The following TIGD4 variants were observed in gnomAD, a reference collection of about 807,000 sequenced individuals.
TIGD4 encodes tigger transposable element derived 4.
Under a neutral mutation model 24.9 loss-of-function variants are expected in TIGD4, and 20 were observed. That is an observed-to-expected ratio of 0.80 (90% CI 0.56 to 1.17). TIGD4 has a LOEUF of 1.17. Among genes scored for constraint, TIGD4 ranks in the 50% most tolerant of loss-of-function variants. The probability of loss-of-function intolerance (pLI) is 0.00; values close to 1 mark genes in which losing one functional copy is unlikely to be tolerated. For synonymous variants in TIGD4, 193 were observed against 211.0 expected (o/e 0.91, Z 0.74); for missense variants, 566 against 591.0 (o/e 0.96, Z 0.44).
At chr4:152,776,776 T>C (rs370927899) in intron 1 of TIGD4, among the ~76,000 whole-genome samples, 5 of 152,290 alleles carry the variant, frequency 3.3e-5, no homozygotes, top group African/African-American at 1.2e-4. Flanking sequence ...AAGTTCAGTT[T>C]CCCAAAAACC....
rs755093865 is a variant in TIGD4 at position 152,770,745 on chromosome 4, A to T, written c.260T>A (p.Leu87Gln). ...KRLRTAFYTD[L>Q]EEALMRWYRI... ...ATACCATCTCATTAATGCCTCTTCCAGATCTGTGTAAAAAGCAGTTCTCAG... is the reference window on the plus strand; with the variant it reads ...ATACCATCTCATTAATGCCTCTTCCTGATCTGTGTAAAAAGCAGTTCTCAG... Residue 87 changes from leucine (L) to glutamine (Q), a missense_variant, in exon 2 of 2, where the codon CTG becomes CAG. Coordinates refer to ENST00000304337, the MANE Select transcript of TIGD4 (RefSeq NM_145720.4). The T allele has an allele frequency of 1.2e-6, 2 of 1,613,558 alleles. No individual in the cohort carries two copies. The highest frequency in any genetic ancestry group is 3.3e-5 in the Admixed American group (2 of 59,922).
At chr4:152,772,669 A>T (rs1264601923) in intron 1 of TIGD4, among the ~76,000 whole-genome samples, 1 of 152,066 alleles carries the variant, frequency 6.6e-6, no homozygotes, top group Non-Finnish European at 1.5e-5. Context: ...TGCAAACAGA[A>T]GCAAGAATCC....
Position 152,770,593 on chromosome 4 carries a change from A to G in TIGD4, c.412T>C (p.Ser138Pro), listed in dbSNP as rs150915308. 15 of 1,608,008 alleles carry G rather than the reference A, an allele frequency of 9.3e-6. No individual in the cohort carries two copies. The African/African-American group carries it at 1.7e-4, about 19-fold the overall frequency. Reference sequence around the variant, plus strand: ...GCTCTGAATACTAAACCATACCTGGATTTAAAACGATCCAGCCAACCATTA... The same window carrying G: ...GCTCTGAATACTAAACCATACCTGGGTTTAAAACGATCCAGCCAACCATTA... ...CSNGWLDRFK[S>P]RYGLVFRAQP... Residue 138 changes from serine to proline, a missense_variant, in exon 2 of 2, where the codon TCC becomes CCC. By Grantham distance (74) the Ser-to-Pro change is moderately conservative. Transcript: ENST00000304337.
At position 152,770,888 on chromosome 4, in the gene TIGD4, T is replaced by A; in HGVS notation, c.117A>T (p.Lys39Asn). ...IINAVESGKK[K>N]AEIAAEYGIK... ...TTCCATATTCAGCAGCAATCTCTGCTTTTTTCTTGCCACTTTCCACTGCAT... is the reference window on the plus strand; with the variant it reads ...TTCCATATTCAGCAGCAATCTCTGCATTTTTCTTGCCACTTTCCACTGCAT... Residue 39 changes from lysine to asparagine, a missense_variant, in exon 2 of 2, where the codon AAA (lysine) becomes AAT (asparagine). Lys to Asn is a moderately conservative substitution (Grantham distance 94). Transcript: ENST00000304337. 1.2e-6 allele frequency: 2 copies of A among 1,614,006 alleles called. No individual in the cohort carries two copies. Among genetic ancestry groups the A allele is most frequent in the Non-Finnish European group, 1.7e-6 (2 of 1,179,948 alleles).
At chr4:152,774,161 A>C (rs189215141) in intron 1 of TIGD4, among the ~76,000 whole-genome samples, 1 of 152,284 alleles carries the variant, frequency 6.6e-6, no homozygotes, top group East Asian at 1.9e-4. Flanking sequence ...TTATAGAAAA[A>C]GTAACTTGAA....
chr4:152,769,916 C>T lies in TIGD4; in HGVS notation c.1089G>A (p.Trp363Ter). Residue 363 changes from tryptophan to a stop codon, truncating the protein, a stop_gained, in exon 2 of 2, where the codon TGG (tryptophan) becomes TGA (stop). Transcript: ENST00000304337. LOFTEE classifies it low-confidence loss of function (END_TRUNC). ...LDAVDTLHLC[W>*]RAVTPETIVK... ...CAATAGTCTCTGGGGTTACAGCCCTCCAGCAAAGATGCAATGTATCAACTG... is the reference window on the plus strand; with the variant it reads ...CAATAGTCTCTGGGGTTACAGCCCTTCAGCAAAGATGCAATGTATCAACTG... 1 of 1,613,622 alleles carries T rather than the reference C, an allele frequency of 6.2e-7. No homozygotes were observed. The highest frequency in any genetic ancestry group is 8.5e-7 in the Non-Finnish European group (1 of 1,179,620).
Position 152,771,103 on chromosome 4 carries a change from T to C in TIGD4, c.-99A>G. On this transcript the variant is annotated 5_prime_UTR_variant, in exon 2 of 2. The change creates a new upstream start codon in the 5' untranslated region. Coordinates refer to ENST00000304337, the MANE Select transcript of TIGD4 (RefSeq NM_145720.4). ...CAGTATAATATAGATTGCTGCTTTC[T>C]ATCCTACTTTATACACTAAAAGTTG... is the stretch of plus-strand genomic sequence containing the variant. 1.5e-6 allele frequency: 2 copies of C among 1,378,308 alleles called. No homozygotes were observed. The highest frequency in any genetic ancestry group is 1.9e-6 in the Non-Finnish European group (2 of 1,046,644). 85.4% of individuals were successfully genotyped at this position (1,378,308 alleles called of 1,614,324 possible). A position where few individuals can be genotyped will look rare whatever the true frequency, so the allele number is the denominator to read the frequency against.
In TIGD4 at chr4:152,771,150, T is replaced by C. The variant is rs996218806; in HGVS notation, c.-146A>G. On this transcript the variant is annotated 5_prime_UTR_variant, in exon 2 of 2. Coordinates refer to ENST00000304337, the MANE Select transcript of TIGD4 (RefSeq NM_145720.4). Reference sequence around the variant, plus strand: ...GTTGGTGTCTAATAGTCTTATTTTGTAGGAACTTGATGACAAAATATGCTT... The same window carrying C: ...GTTGGTGTCTAATAGTCTTATTTTGCAGGAACTTGATGACAAAATATGCTT... 9 of 948,772 alleles carry C rather than the reference T, an allele frequency of 9.5e-6. No individual in the cohort carries two copies. In the African/African-American group the frequency reaches 1.5e-4, roughly 16 times the overall value. The allele number at this position is 948,772 out of a possible 1,614,324, so 58.8% of individuals were successfully genotyped here.
intron 1 of TIGD4, among the ~76,000 whole-genome samples, chr4:152,778,164 A>T (rs1258788285): frequency 6.6e-6 from 1 of 152,162 alleles, no homozygotes; most frequent in African/African-American, 2.4e-5. Context: ...AAAATAAGAA[A>T]CACTTCAGAG....
intron 1 of TIGD4, among the ~76,000 whole-genome samples, chr4:152,777,861 A>G (rs768174475): frequency 2.0e-5 from 3 of 152,126 alleles, no homozygotes; most frequent in Non-Finnish European, 4.4e-5. Context: ...TTCCATCACC[A>G]GCTGAAGTAG....
chr4:152,771,645 A>C (rs1324292022), intron 1 of TIGD4, 103 bp from the exon 2 acceptor site: 1 of 152,528 alleles, frequency 6.6e-6, no homozygotes, highest in Non-Finnish European at 1.5e-5. Context: ...AATGAAAATA[A>C]TAGAAGCATG....
Position 152,770,627 on chromosome 4 carries a change from A to G in TIGD4, c.378T>C (p.Phe126=), listed in dbSNP as rs769783975. The change falls in exon 2 of 2, where the codon TTT becomes TTC. Residue 126 remains phenylalanine, a synonymous_variant. Transcript: ENST00000304337. ...GATCCAGCCAACCATTACTGCACTTAAAATCATTATGGCCCAGTTTCTGGG... is the reference window on the plus strand; with the variant it reads ...GATCCAGCCAACCATTACTGCACTTGAAATCATTATGGCCCAGTTTCTGGG... ...DFAQKLGHND[F]KCSNGWLDRF... 5 of 1,603,726 alleles carry G rather than the reference A, an allele frequency of 3.1e-6. No individual in the cohort carries two copies. In the Admixed American group the frequency reaches 8.7e-5, roughly 28 times the overall value.
In TIGD4 at chr4:152,771,242, G is replaced by T; in HGVS notation, c.-238C>A. On this transcript the variant is annotated 5_prime_UTR_variant, in exon 2 of 2. Transcript: ENST00000304337. The stretch of plus-strand genomic sequence containing the variant: ...TTTTAGAAGAGAAACTTCCTTCCTA[G>T]TACCTTGTATAGCTCAGTTTATAGC... 2 of 418,248 alleles carry T rather than the reference G, an allele frequency of 4.8e-6. No homozygotes were observed. Among genetic ancestry groups the T allele is most frequent in the Non-Finnish European group, 8.6e-6 (2 of 233,466 alleles). 25.9% of individuals were successfully genotyped at this position (418,248 alleles called of 1,614,324 possible). A position where few individuals can be genotyped will look rare whatever the true frequency, so the allele number is the denominator to read the frequency against.
Position 152,770,455 on chromosome 4 carries a change from C to T in TIGD4, c.550G>A (p.Glu184Lys), listed in dbSNP as rs1375092510. 1.2e-6 allele frequency: 2 copies of T among 1,608,348 alleles called. No homozygotes were observed. The highest frequency in any genetic ancestry group is 1.1e-5 in the South Asian group (1 of 89,474). ...YHPKNVFNIK[E>K]TGLLYRMLPT... is the part of the protein sequence containing the mutation. ...AACATTCGATAAAGCAGCCCAGTCT[C>T]TTTTATATTAAAAACATTTTTAGGA... Residue 184 changes from glutamate to lysine, a missense_variant, in exon 2 of 2, where the codon GAG (glutamate) becomes AAG (lysine). Physicochemically the swap from Glu to Lys is moderately conservative, Grantham distance 56. Coordinates refer to ENST00000304337, the MANE Select transcript of TIGD4 (RefSeq NM_145720.4).
intron 1 of TIGD4, among the ~76,000 whole-genome samples, chr4:152,775,908 T>A (rs1389800832): frequency 6.6e-6 from 1 of 152,072 alleles, no homozygotes; most frequent in African/African-American, 2.4e-5. Context: ...GTCACTGGAG[T>A]TCATCTTAGA....
Position 152,769,686 on chromosome 4 carries a change from C to T in TIGD4, c.1319G>A (p.Cys440Tyr), listed in dbSNP as rs1334001681. 6.2e-7 allele frequency: 1 copy of T among 1,613,654 alleles called. No individual in the cohort carries two copies. Residue 440 changes from cysteine (C) to tyrosine (Y), a missense_variant, in exon 2 of 2, where the codon TGC becomes TAC. Transcript: ENST00000304337. ...CEAAPNGDSI[C>Y]TKESKSDETG... Reference sequence around the variant, plus strand: ...TTCATCCGATTTACTTTCTTTGGTGCATATGGAATCACCATTTGGTGCTGC... The same window carrying T: ...TTCATCCGATTTACTTTCTTTGGTGTATATGGAATCACCATTTGGTGCTGC...
chr4:152,770,553 G>C lies in TIGD4; in HGVS notation c.452C>G (p.Ala151Gly), dbSNP rs774038323. 29 of 1,612,504 alleles carry C rather than the reference G, an allele frequency of 1.8e-5. No individual in the cohort carries two copies. Among genetic ancestry groups the C allele is most frequent in the Non-Finnish European group, 1.4e-5 (17 of 1,179,192 alleles). ...GLVFRAQPVE[A>G]TGVPVDPSTV... The stretch of plus-strand genomic sequence containing the variant: ...CGAAGGGTCTACTGGTACACCTGTA[G>C]CTTCTACAGGTTGAGCTCTGAATAC... Residue 151 changes from alanine to glycine, a missense_variant, in exon 2 of 2, where the codon GCT becomes GGT. Physicochemically the swap from Ala to Gly is moderately conservative, Grantham distance 60. Coordinates refer to ENST00000304337, the MANE Select transcript of TIGD4 (RefSeq NM_145720.4).
intron 1 of TIGD4, among the ~76,000 whole-genome samples, chr4:152,776,472 C>G (rs1289915735): frequency 1.3e-5 from 2 of 152,028 alleles, no homozygotes; most frequent in Non-Finnish European, 2.9e-5. Flanking sequence ...AAACATAAAG[C>G]TGGCATTCTT....
intron 1 of TIGD4, among the ~76,000 whole-genome samples, chr4:152,775,667 T>C (rs1472206608): frequency 1.3e-5 from 2 of 152,244 alleles, no homozygotes; most frequent in African/African-American, 4.8e-5. Context: ...TTTCACACTT[T>C]GAATCTCTCT....
Sources: gnomAD v4.1 joint callset for allele counts (sites outside exome capture counted in the v4.1 genomes callset) on GRCh38, gnomAD v4.1.1 for gene constraint, MANE v1.5 for transcripts, NCBI Gene and HGNC (gene_info 2026-07-23, HGNC 2026-07-21) for gene names.